Variants in THSD7B observed in about 807,000 individuals in gnomAD.
The protein encoded by THSD7B is thrombospondin type-1 domain-containing protein 7B.
THSD7B carries 138 observed loss-of-function variants against 213.6 expected under a neutral mutation model. That is an observed-to-expected ratio of 0.65 (90% confidence interval 0.56 to 0.74). THSD7B has a LOEUF of 0.74. Among genes scored for constraint, THSD7B ranks in the 30% least tolerant of loss-of-function variants. The pLI is 0.00. For missense variants in THSD7B, 1,931 were observed against 1,991.5 expected, an observed-to-expected ratio of 0.97 and a Z score of 0.58; for synonymous variants, 742 against 687.0, an observed-to-expected ratio of 1.08 and a Z score of -1.25.
intron 2 of THSD7B, among the ~76,000 whole-genome samples, chr2:136,931,011 T>G (rs1438604907): frequency 2.0e-5 from 3 of 152,138 alleles, no homozygotes; most frequent in Non-Finnish European, 4.4e-5. Context: ...CAGAACTTTT[T>G]TTCCTGATTG....
chr2:136,812,644 T>C (rs1289675923), intron 1 of THSD7B, among the ~76,000 whole-genome samples: 1 of 152,216 alleles, frequency 6.6e-6, no homozygotes, highest in Non-Finnish European at 1.5e-5. Flanking sequence ...CATCACAGTA[T>C]GTTCATTTCC....
intron 17 of THSD7B, among the ~76,000 whole-genome samples, chr2:137,585,564 A>T (rs1417931439): frequency 6.6e-6 from 1 of 152,108 alleles, no homozygotes; most frequent in Non-Finnish European, 1.5e-5. Flanking sequence ...GTTTCAAAGA[A>T]CATCTTTATT....
At position 136,807,508 on chromosome 2, in the gene THSD7B, C is replaced by CTTTTTTT. The variant is rs1314267493; in HGVS notation, c.-36+41821_-36+41822insTTTTTTT. ...TACTTCCTAGCACTACAAAATGTTT[C>CTTTTTTT]GTTTTTTTTTTTTTTTTGAGACGGA... On this transcript the variant is annotated intron_variant, in intron 1 of 27. Coordinates refer to ENST00000409968, the MANE Select transcript of THSD7B (RefSeq NM_001316349.2). Among the ~76,000 whole-genome samples the CTTTTTTT allele has an allele frequency of 8.1e-5, 4 of 49,580 alleles. 1 individual carries two copies. The highest frequency in any genetic ancestry group is 2.5e-4 in the African/African-American group (3 of 11,876). The allele number at this position is 49,580 out of a possible 152,430, so 32.5% of individuals were successfully genotyped here.
At chr2:137,505,483 G>A (rs901207590) in intron 15 of THSD7B, among the ~76,000 whole-genome samples, 1 of 152,136 alleles carries the variant, frequency 6.6e-6, no homozygotes. Context: ...TGGCAACCTG[G>A]GAAGCCCAGT....
At chr2:137,452,473 C>T (rs1219229215) in intron 15 of THSD7B, among the ~76,000 whole-genome samples, 4 of 152,078 alleles carry the variant, frequency 2.6e-5, no homozygotes, top group Non-Finnish European at 4.4e-5. Context: ...TGTATGGAGA[C>T]TATTTGCCCA....
chr2:136,797,831 T>TA (rs1682101761), intron 1 of THSD7B, among the ~76,000 whole-genome samples: 1 of 151,992 alleles, frequency 6.6e-6, no homozygotes, highest in Non-Finnish European at 1.5e-5. Flanking sequence ...TGCAAATACT[T>TA]ACAGTTATTT....
At chr2:136,934,708 A>C (rs1684692134) in intron 2 of THSD7B, among the ~76,000 whole-genome samples, 1 of 152,190 alleles carries the variant, frequency 6.6e-6, no homozygotes, top group African/African-American at 2.4e-5. Flanking sequence ...CAAAAAGAAG[A>C]AATTATTGGC....
chr2:137,635,143 A>G (rs1682810083), intron 20 of THSD7B, among the ~76,000 whole-genome samples: 1 of 152,114 alleles, frequency 6.6e-6, no homozygotes, highest in Non-Finnish European at 1.5e-5. Flanking sequence ...AATTTACCCT[A>G]CTATGATTTC....
At chr2:137,034,605 GC>G (rs994142952) in intron 2 of THSD7B, among the ~76,000 whole-genome samples, 2 of 151,932 alleles carry the variant, frequency 1.3e-5, no homozygotes, top group African/African-American at 4.8e-5. Context: ...CCACCAACAG[GC>G]CCCTGTGTGT....
intron 12 of THSD7B, among the ~76,000 whole-genome samples, chr2:137,392,517 T>C (rs1179082696): frequency 6.6e-6 from 1 of 152,166 alleles, no homozygotes; most frequent in East Asian, 1.9e-4. Context: ...TTTTGTCTTT[T>C]CATAAACTGT....
At chr2:136,977,811 T>TTGTTTTG (rs1558874174) in intron 2 of THSD7B, among the ~76,000 whole-genome samples, 16 of 150,542 alleles carry the variant, frequency 1.1e-4, no homozygotes, top group Non-Finnish European at 2.1e-4. Flanking sequence ...GTTTTTTTTT[T>TTGTTTTG]TTTTTTTTTT....
intron 1 of THSD7B, among the ~76,000 whole-genome samples, chr2:136,853,082 G>A (rs72844019): frequency 1.1e-4 from 17 of 151,920 alleles, no homozygotes; most frequent in East Asian, 5.8e-4. Context: ...GTTCATGTGC[G>A]TGTGTTTGTG....
rs552395546 is a variant in THSD7B, at chr2:137,510,184, AT to A, written c.3139-53031del. 1.2e-4 allele frequency among the ~76,000 whole-genome samples: 19 copies of A among 152,070 alleles called. 1 individual carries two copies. Among genetic ancestry groups the A allele is most frequent in the African/African-American group, 4.6e-4 (19 of 41,488 alleles). The stretch of plus-strand genomic sequence containing the variant: ...TACTTATTTTCTATTTCCGTCATTT[AT>A]TTTTTATTCCTCTATTCTTTCTATC... On this transcript the variant is annotated intron_variant, in intron 15 of 27. Transcript: ENST00000409968.
At chr2:137,084,647 C>G (rs1368988180) in intron 3 of THSD7B, among the ~76,000 whole-genome samples, 1 of 152,130 alleles carries the variant, frequency 6.6e-6, no homozygotes, top group Non-Finnish European at 1.5e-5. Flanking sequence ...CCTGCTATCT[C>G]TTTCCTTTTT....
intron 19 of THSD7B, among the ~76,000 whole-genome samples, chr2:137,620,313 G>C (rs1682494823): frequency 6.6e-6 from 1 of 152,144 alleles, no homozygotes; most frequent in South Asian, 2.1e-4. Context: ...CTGGTTCCTT[G>C]CTGATTGAGC....
At chr2:137,173,673 G>A (rs774605715) in intron 7 of THSD7B, among the ~76,000 whole-genome samples, 1 of 152,146 alleles carries the variant, frequency 6.6e-6, no homozygotes, top group South Asian at 2.1e-4. Context: ...GGCCATGGTC[G>A]TGGTTCTGGG....
intron 2 of THSD7B, among the ~76,000 whole-genome samples, chr2:137,025,553 C>T (rs919302167): frequency 6.6e-6 from 1 of 152,122 alleles, no homozygotes; most frequent in Non-Finnish European, 1.5e-5. Flanking sequence ...TTTATTTGCA[C>T]ACACTCAAAG....
intron 7 of THSD7B, among the ~76,000 whole-genome samples, chr2:137,187,163 A>T (rs894705837): frequency 5.9e-5 from 9 of 152,206 alleles, no homozygotes; most frequent in African/African-American, 2.2e-4. Context: ...GTGAAAATGT[A>T]GCCGTTGCCA....
chr2:137,560,504 T>C (rs991638544), intron 15 of THSD7B, among the ~76,000 whole-genome samples: 4 of 152,048 alleles, frequency 2.6e-5, no homozygotes, highest in East Asian at 1.9e-4. Context: ...TAGGTGGGAA[T>C]TGAACAATGA....
Sources: allele counts gnomAD v4.1 joint callset (sites outside exome capture counted in the v4.1 genomes callset), GRCh38; gene constraint gnomAD v4.1.1; transcripts MANE v1.5; gene names NCBI Gene and HGNC (gene_info 2026-07-23, HGNC 2026-07-21).